The following ATP8B4 variants were observed in gnomAD, a reference collection of about 807,000 sequenced individuals.
The protein encoded by ATP8B4 is probable phospholipid-transporting ATPase IM.
Under a neutral mutation model 145.6 loss-of-function variants are expected in ATP8B4, and 133 were observed. The observed-to-expected ratio is 0.91, with a 90% CI of 0.79 to 1.05. The LOEUF (loss-of-function observed/expected upper bound fraction) is 1.05, where lower values mean the gene tolerates loss of function less well. ATP8B4 is among the 50% of genes least tolerant of loss of function. ATP8B4 has a pLI of 0.00. For synonymous variants in ATP8B4, 507 were observed against 492.9 expected, an observed-to-expected ratio of 1.03 and a Z score of -0.38; for missense variants, 1,458 against 1,425.2, an observed-to-expected ratio of 1.02 and a Z score of -0.37.
intron 17 of ATP8B4, chr15:49,922,492 T>C (rs544011004): frequency 3.9e-5 from 15 of 381,238 alleles, no homozygotes; most frequent in African/African-American, 3.2e-4. Flanking sequence ...CAAACCATCA[T>C]TTTTTAAATT....
At chr15:50,045,154 C>T (rs1415419656) in intron 4 of ATP8B4, among the ~76,000 whole-genome samples, 1 of 152,152 alleles carries the variant, frequency 6.6e-6, no homozygotes, top group East Asian at 1.9e-4. Flanking sequence ...TAGATTCCTA[C>T]TAGGATTGTT....
At position 50,107,002 on chromosome 15, in the gene ATP8B4, G is replaced by A. The variant is rs1220610468; in HGVS notation, c.-36C>T. On this transcript the variant is annotated 5_prime_UTR_variant, in exon 2 of 28. Transcript: ENST00000284509. ...GATCTTTCACCAGGTCTCAACAGGTGGCCTACCTAAGAAAAAGAAGTATGC... is the reference window on the plus strand; with the variant it reads ...GATCTTTCACCAGGTCTCAACAGGTAGCCTACCTAAGAAAAAGAAGTATGC... 1 of 1,539,700 alleles carries A rather than the reference G, an allele frequency of 6.5e-7. No homozygotes were observed. Among genetic ancestry groups the A allele is most frequent in the Admixed American group, 2.1e-5 (1 of 46,566 alleles).
At chr15:50,169,622 G>A (rs72737041) in intron 1 of ATP8B4, among the ~76,000 whole-genome samples, 62 of 152,184 alleles carry the variant, frequency 4.1e-4, no homozygotes, top group Non-Finnish European at 8.1e-4. Flanking sequence ...ACCAAGGCTC[G>A]TCAACATCCC....
intron 14 of ATP8B4, among the ~76,000 whole-genome samples, chr15:49,957,604 A>T (rs1233673904): frequency 6.6e-6 from 1 of 152,084 alleles, no homozygotes; most frequent in Non-Finnish European, 1.5e-5. Context: ...GTGGGCAAAT[A>T]TAAACGAAAA....
intron 12 of ATP8B4, among the ~76,000 whole-genome samples, chr15:49,975,288 T>C (rs546431290): frequency 6.6e-6 from 1 of 152,274 alleles, no homozygotes; most frequent in South Asian, 2.1e-4. Flanking sequence ...CTTTTTCATA[T>C]AGATTCATAC....
chr15:49,912,941 A>G (rs1479618239), intron 20 of ATP8B4, among the ~76,000 whole-genome samples: 1 of 152,000 alleles, frequency 6.6e-6, no homozygotes, highest in Non-Finnish European at 1.5e-5. Context: ...CAGCCTAGGA[A>G]ACATGGCAAA....
At chr15:50,041,083 C>T (rs1488830531) in intron 5 of ATP8B4, among the ~76,000 whole-genome samples, 1 of 152,162 alleles carries the variant, frequency 6.6e-6, no homozygotes, top group Non-Finnish European at 1.5e-5. Flanking sequence ...TTCTCCAAAG[C>T]CAATATTCTT....
chr15:49,927,919 G>A (rs1421809619), intron 16 of ATP8B4, among the ~76,000 whole-genome samples: 3 of 152,114 alleles, frequency 2.0e-5, no homozygotes, highest in East Asian at 1.9e-4. Context: ...TTTACCTGCT[G>A]AGAGCCATCT....
intron 1 of ATP8B4, among the ~76,000 whole-genome samples, chr15:50,162,753 G>A (rs4775865): frequency 0.23 from 35,182 of 152,100 alleles, 4,676 homozygotes; most frequent in East Asian, 0.39. Flanking sequence ...TGATCCACCC[G>A]CCTCTGCTTC....
chr15:50,139,621 T>C (rs1272583316), intron 1 of ATP8B4, among the ~76,000 whole-genome samples: 2 of 152,156 alleles, frequency 1.3e-5, no homozygotes, highest in Non-Finnish European at 2.9e-5. Context: ...AATAAATGTG[T>C]CCGTTCGATG....
intron 25 of ATP8B4, among the ~76,000 whole-genome samples, chr15:49,873,795 CACTGCCTTG>C (rs2033997341): frequency 6.6e-6 from 1 of 152,214 alleles, no homozygotes. Flanking sequence ...ACTCTCCCTG[CACTGCCTTG>C]CTTTTGAAGG....
chr15:49,997,167 G>A (rs561933827), intron 8 of ATP8B4, among the ~76,000 whole-genome samples: 40 of 152,130 alleles, frequency 2.6e-4, no homozygotes, highest in African/African-American at 9.4e-4. Flanking sequence ...TGCAAAAAAT[G>A]GTCATGACTA....
chr15:49,975,125 AT>A (rs1208413948), intron 12 of ATP8B4, among the ~76,000 whole-genome samples: 5 of 152,180 alleles, frequency 3.3e-5, no homozygotes, highest in Non-Finnish European at 7.4e-5. Flanking sequence ...TTTATTTGAG[AT>A]TTTTATTAGG....
intron 1 of ATP8B4, among the ~76,000 whole-genome samples, chr15:50,134,070 T>C (rs925368967): frequency 1.3e-5 from 2 of 152,158 alleles, no homozygotes; most frequent in South Asian, 2.1e-4. Flanking sequence ...TATATGTATA[T>C]CAAATCATCA....
chr15:50,034,531 T>C lies in ATP8B4; in HGVS notation c.362+4237A>G, dbSNP rs181634370. Among the ~76,000 whole-genome samples, 354 of 152,206 alleles carry C rather than the reference T, an allele frequency of 2.3e-3. 2 individuals carry two copies. The highest frequency in any genetic ancestry group is 8.3e-3 in the African/African-American group (344 of 41,534). ...GGCATGAGCCACCACACCCGGCCATTGAGTGTCTCTTAAAATTAGACATAA... is the reference window on the plus strand; with the variant it reads ...GGCATGAGCCACCACACCCGGCCATCGAGTGTCTCTTAAAATTAGACATAA... On this transcript the variant is annotated intron_variant, in intron 6 of 27. Transcript: ENST00000284509.
chr15:49,987,207 C>T (rs2046684650), intron 10 of ATP8B4, among the ~76,000 whole-genome samples, 184 bp downstream of exon 10: 1 of 152,124 alleles, frequency 6.6e-6, no homozygotes, highest in Non-Finnish European at 1.5e-5. Context: ...GCAGGGGCCA[C>T]CTGGACTATT....
chr15:50,018,010 C>T (rs1226114781), intron 6 of ATP8B4, among the ~76,000 whole-genome samples: 11 of 107,148 alleles, frequency 1.0e-4, no homozygotes, highest in Admixed American at 2.2e-4. Flanking sequence ...TTTTTTGAAA[C>T]GGAGTCTCAC....
At chr15:50,136,514 T>G (rs934835126) in intron 1 of ATP8B4, among the ~76,000 whole-genome samples, 8 of 152,232 alleles carry the variant, frequency 5.3e-5, no homozygotes, top group African/African-American at 1.9e-4. Flanking sequence ...ACTGTTTGAT[T>G]TTTCCATGAT....
intron 2 of ATP8B4, among the ~76,000 whole-genome samples, chr15:50,101,411 A>G (rs994933817): frequency 9.2e-5 from 14 of 152,114 alleles, no homozygotes; most frequent in Non-Finnish European, 1.5e-4. Flanking sequence ...TTCTATGCAC[A>G]TGGACAACAA....
Sources: gnomAD v4.1 joint callset for allele counts (sites outside exome capture counted in the v4.1 genomes callset) on GRCh38, gnomAD v4.1.1 for gene constraint, MANE v1.5 for transcripts, NCBI Gene and HGNC (gene_info 2026-07-23, HGNC 2026-07-21) for gene names.